PHAF1: variants seen among roughly 807,000 people sequenced by gnomAD.
PHAF1 encodes the protein phagosome assembly factor 1.
In PHAF1, 23 loss-of-function variants were observed where a neutral mutation model predicts 63.1. The ratio of observed to expected loss-of-function variants is 0.36; its 90% CI spans 0.26 to 0.52. The LOEUF (loss-of-function observed/expected upper bound fraction) is 0.52. PHAF1 is among the 20% of genes least tolerant of loss of function. PHAF1 has a pLI of 0.93. For synonymous variants in PHAF1, 167 were observed against 185.0 expected (o/e 0.90, Z 0.79); for missense variants, 427 against 517.2 (o/e 0.83, Z 1.69).
chr16:67,134,471 A>T lies in PHAF1; in HGVS notation c.661+4A>T. On this transcript the variant is annotated splice_donor_region_variant and intron_variant, in intron 8 of 15. Coordinates refer to ENST00000219139, the MANE Select transcript of PHAF1 (RefSeq NM_025187.5). The stretch of plus-strand genomic sequence containing the variant: ...CGACTTCGCCTACTTGCTGCAGGTC[A>T]GTGACTGGCTTTGAGGTTGGTACAT... The T allele has an allele frequency of 6.2e-7, 1 of 1,602,738 alleles. No homozygotes were observed. The highest frequency in any genetic ancestry group is 8.5e-7 in the Non-Finnish European group (1 of 1,169,802).
chr16:67,140,146 T>C, intron 9 of PHAF1, 29 bp downstream of exon 9: 1 of 1,594,150 alleles, frequency 6.3e-7, no homozygotes, highest in Non-Finnish European at 8.6e-7. Context: ...AGTCTCCTCC[T>C]TTTTTTTAAT....
chr16:67,120,293 G>GC, intron 2 of PHAF1, 99 bp downstream of exon 2: 1 of 1,072,826 alleles, frequency 9.3e-7, no homozygotes, highest in Non-Finnish European at 1.4e-6. Context: ...AAGGATAGCT[G>GC]TGTTCGAATG....
chr16:67,118,766 C>CTTTT lies in PHAF1; in HGVS notation c.65-1323_65-1320dup, dbSNP rs910658530. ...ATTCTGGTGGATGAGTGATCTTAAA[C>CTTTT]TTTTTTTTTTTTTTTTTTTTTTTTT... On this transcript the variant is annotated intron_variant, in intron 1 of 15. Transcript: ENST00000219139. Among the ~76,000 whole-genome samples the CTTTT allele has an allele frequency of 5.7e-3, 568 of 100,022 alleles. 44 individuals carry two copies. The highest frequency in any genetic ancestry group is 0.027 in the African/African-American group (547 of 20,640). 65.6% of individuals were successfully genotyped at this position (100,022 alleles called of 152,430 possible).
At chr16:67,116,152 T>C (rs1027042262) in intron 1 of PHAF1, among the ~76,000 whole-genome samples, 2 of 152,218 alleles carry the variant, frequency 1.3e-5, no homozygotes, top group African/African-American at 4.8e-5. Context: ...CATTTAGGAA[T>C]GGCAAAGGTG....
intron 10 of PHAF1, among the ~76,000 whole-genome samples, chr16:67,141,156 CTGGACCATGGG>C (rs1244483410): frequency 2.6e-5 from 4 of 152,176 alleles, no homozygotes; most frequent in African/African-American, 9.7e-5. Flanking sequence ...CAGGGCTGGC[CTGGACCATGGG>C]TCTTGTAACC....
chr16:67,126,070 A>C, intron 3 of PHAF1, 28 bp downstream of exon 3: 1 of 1,541,418 alleles, frequency 6.5e-7, no homozygotes, highest in South Asian at 1.1e-5. Flanking sequence ...CTAATGTTTC[A>C]TGTCCAGCTG....
chr16:67,145,903 G>C (rs987315554), intron 14 of PHAF1, among the ~76,000 whole-genome samples: 7 of 152,188 alleles, frequency 4.6e-5, no homozygotes, highest in Non-Finnish European at 1.0e-4. Flanking sequence ...CAATAAGGAA[G>C]GAGGGCTTGG....
chr16:67,135,428 G>C (rs568322473), intron 8 of PHAF1: 1 of 151,802 alleles, frequency 6.6e-6, no homozygotes, highest in South Asian at 2.1e-4. Flanking sequence ...TTACAGGCGT[G>C]AGCCACCGCA....
Position 67,125,960 on chromosome 16 carries a change from C to G in PHAF1, c.149C>G (p.Ser50Cys). 1.2e-6 allele frequency: 2 copies of G among 1,607,352 alleles called. No individual in the cohort carries two copies. Among genetic ancestry groups the G allele is most frequent in the Non-Finnish European group, 1.7e-6 (2 of 1,175,938 alleles). Residue 50 changes from serine to cysteine, a missense_variant and splice_region_variant, in exon 3 of 16, where the codon TCT becomes TGT. Transcript: ENST00000219139. ...KNVQVLYSEQ[S>C]PLSHDLILNL... ...ATGTATTTTATTTTTGTTTTGTAGT[C>G]TCCTCTAAGCCATGACCTCATTCTT...
chr16:67,141,279 A>C (rs556608313), intron 10 of PHAF1, among the ~76,000 whole-genome samples: 15 of 152,308 alleles, frequency 9.8e-5, no homozygotes, highest in Non-Finnish European at 2.2e-4. Flanking sequence ...GACCAAACAC[A>C]GGAGCCAAGA....
At chr16:67,124,942 A>G (rs911062371) in intron 2 of PHAF1, among the ~76,000 whole-genome samples, 1 of 151,260 alleles carries the variant, frequency 6.6e-6, no homozygotes, top group Admixed American at 6.6e-5. Flanking sequence ...TTGAGCAGCC[A>G]TGTGTTAAAG....
chr16:67,136,554 C>CTTTTTTTTTTTTTTTTTT (rs34174571), intron 8 of PHAF1, among the ~76,000 whole-genome samples: 3 of 60,492 alleles, frequency 5.0e-5, no homozygotes, highest in Admixed American at 1.8e-4. Flanking sequence ...GCATTGATTC[C>CTTTTTTTTTTTTTTTTTT]TTTTTTTTTT....
intron 1 of PHAF1, among the ~76,000 whole-genome samples, chr16:67,113,321 G>C (rs948367226): frequency 6.6e-6 from 1 of 152,134 alleles, no homozygotes; most frequent in African/African-American, 2.4e-5. Context: ...AGGGAAATGC[G>C]AGCAACACAG....
chr16:67,143,619 A>G (rs912229665), intron 10 of PHAF1, among the ~76,000 whole-genome samples: 4 of 152,230 alleles, frequency 2.6e-5, no homozygotes. Flanking sequence ...ATCTTTATTG[A>G]GTACCTACTG....
At chr16:67,144,970 G>C in intron 12 of PHAF1, 93 bp downstream of exon 12, 2 of 1,470,202 alleles carry the variant, frequency 1.4e-6, no homozygotes, top group Non-Finnish European at 1.9e-6. Context: ...GGTTGGATGT[G>C]TGGAGCTTCT....
intron 6 of PHAF1, 148 bp downstream of exon 6, chr16:67,133,059 G>C (rs1963468389): frequency 4.4e-6 from 3 of 680,954 alleles, no homozygotes; most frequent in Non-Finnish European, 7.7e-6. Context: ...GGGTAAAGTG[G>C]TAGAGTGGGT....
At chr16:67,126,549 T>C (rs573209784) in intron 3 of PHAF1, among the ~76,000 whole-genome samples, 2 of 152,046 alleles carry the variant, frequency 1.3e-5, no homozygotes, top group South Asian at 4.2e-4. Flanking sequence ...TGCAATTTGC[T>C]AACACCTGTT....
intron 3 of PHAF1, among the ~76,000 whole-genome samples, chr16:67,127,720 C>T (rs984066305): frequency 2.0e-5 from 3 of 151,972 alleles, no homozygotes; most frequent in Middle Eastern, 3.4e-3. Flanking sequence ...GGCGTGAACC[C>T]GGGAGGCAGA....
At chr16:67,126,428 T>TGCTGGG (rs1451095499) in intron 3 of PHAF1, among the ~76,000 whole-genome samples, 2 of 152,206 alleles carry the variant, frequency 1.3e-5, no homozygotes, top group Admixed American at 1.3e-4. Flanking sequence ...CTTCCTAGAA[T>TGCTGGG]GCTGGGGCTT....
Sources: gnomAD v4.1 joint callset for allele counts (sites outside exome capture counted in the v4.1 genomes callset) on GRCh38, gnomAD v4.1.1 for gene constraint, MANE v1.5 for transcripts, NCBI Gene and HGNC (gene_info 2026-07-23, HGNC 2026-07-21) for gene names.